The following PNLIPRP1 variants were observed in gnomAD, a reference collection of about 807,000 sequenced individuals.
PNLIPRP1 encodes inactive pancreatic lipase-related protein 1.
Under a neutral mutation model 54.6 loss-of-function variants are expected in PNLIPRP1, and 57 were observed. The observed-to-expected ratio is 1.04, with a 90% CI of 0.84 to 1.30. The LOEUF (loss-of-function observed/expected upper bound fraction) is 1.30. PNLIPRP1 is among the 50% of genes most tolerant of loss of function. PNLIPRP1 has a pLI of 0.00. For missense variants in PNLIPRP1, 567 were observed against 568.5 expected (o/e 1.00, Z 0.03); for synonymous variants, 232 against 208.8 (o/e 1.11, Z -0.96).
In PNLIPRP1 at chr10:116,592,584, C is replaced by G. The variant is rs782233512; in HGVS notation, c.330+43C>G. The G allele has an allele frequency of 1.9e-6, 3 of 1,610,558 alleles. No homozygotes were observed. In the East Asian group the frequency reaches 6.7e-5, roughly 36 times the overall value. ...TCCCTGTGGCCAGCTGAGGCCAACACTTCTGCTAACATCTCTGCATCACTT... is the reference window on the plus strand; with the variant it reads ...TCCCTGTGGCCAGCTGAGGCCAACAGTTCTGCTAACATCTCTGCATCACTT... On this transcript the variant is annotated intron_variant, in intron 4 of 12. Transcript: ENST00000358834.
chr10:116,595,019 C>G, intron 5 of PNLIPRP1, 155 bp downstream of exon 5: 3 of 867,018 alleles, frequency 3.5e-6, no homozygotes, highest in East Asian at 5.4e-5. Context: ...CATAATGACA[C>G]GCCAGTGGAA....
intron 9 of PNLIPRP1, 163 bp downstream of exon 9, chr10:116,600,328 G>T (rs1847812522): frequency 9.1e-6 from 5 of 549,526 alleles, no homozygotes; most frequent in Admixed American, 3.1e-5. Flanking sequence ...ACAACTTTTG[G>T]CAGGAGATGG....
chr10:116,594,428 G>T, intron 4 of PNLIPRP1: 1 of 513,258 alleles, frequency 1.9e-6, no homozygotes, highest in East Asian at 4.9e-5. Flanking sequence ...TTCAAAACAG[G>T]ACTCTTTTCA....
intron 10 of PNLIPRP1, among the ~76,000 whole-genome samples, chr10:116,603,618 T>A (rs3010500): frequency 6.6e-6 from 1 of 152,108 alleles, no homozygotes; most frequent in African/African-American, 2.4e-5. Context: ...TTTGGCTGGG[T>A]GTGGTGGCTC....
chr10:116,601,099 G>C lies in PNLIPRP1; in HGVS notation c.961G>C (p.Gly321Arg). ...SDKCFPCPDQ[G>R]CPQMGHYADK... The stretch of plus-strand genomic sequence containing the variant: ...CAAGTGCTTCCCGTGTCCAGATCAA[G>C]GATGCCCACAGATGGGTCACTATGC... Residue 321 changes from glycine (G) to arginine (R), a missense_variant, in exon 10 of 13, where the codon GGA becomes CGA. By Grantham distance (125) the Gly-to-Arg change is moderately radical. Transcript: ENST00000358834. 3 of 1,613,684 alleles carry C rather than the reference G, an allele frequency of 1.9e-6. No homozygotes were observed. Among genetic ancestry groups the C allele is most frequent in the Non-Finnish European group, 2.5e-6 (3 of 1,179,860 alleles).
chr10:116,605,956 A>G (rs1403850726), intron 12 of PNLIPRP1, among the ~76,000 whole-genome samples: 2 of 152,168 alleles, frequency 1.3e-5, no homozygotes, highest in Non-Finnish European at 1.5e-5. Flanking sequence ...AAGATCGAAA[A>G]TTTTACATAG....
In PNLIPRP1 at chr10:116,591,932, C is replaced by A. The variant is rs1475561112; in HGVS notation, c.204+7C>A. ...AAACCCAAACAACTTTCAAGTGAGACCTCTGTCATTTAAATGTCACTGTAA... is the reference window on the plus strand; with the variant it reads ...AAACCCAAACAACTTTCAAGTGAGAACTCTGTCATTTAAATGTCACTGTAA... On this transcript the variant is annotated splice_region_variant and intron_variant, in intron 3 of 12. Transcript: ENST00000358834. The A allele has an allele frequency of 1.2e-6, 2 of 1,614,032 alleles. No individual in the cohort carries two copies. Among genetic ancestry groups the A allele is most frequent in the Admixed American group, 1.7e-5 (1 of 60,012 alleles).
intron 8 of PNLIPRP1, among the ~76,000 whole-genome samples, chr10:116,599,243 G>C (rs1048110698): frequency 2.5e-5 from 2 of 80,594 alleles, no homozygotes; most frequent in Admixed American, 2.5e-4. Context: ...CAACAAGAGC[G>C]AAACTCCATC....
chr10:116,591,560 T>C (rs546648515), intron 2 of PNLIPRP1, among the ~76,000 whole-genome samples: 63 of 152,296 alleles, frequency 4.1e-4, no homozygotes, highest in Middle Eastern at 3.4e-3. Context: ...GCTCCAGTGG[T>C]GTCCCTGTGG....
Position 116,596,229 on chromosome 10 carries a change from C to A in PNLIPRP1, c.481C>A (p.Pro161Thr), listed in dbSNP as rs1391863973. The change falls in exon 6 of 13, where the codon CCC (proline) becomes ACC (threonine). Residue 161 changes from proline to threonine, a missense_variant. Physicochemically the swap from Pro to Thr is conservative, Grantham distance 38. Coordinates refer to ENST00000358834, the MANE Select transcript of PNLIPRP1 (RefSeq NM_006229.4). ...CCCTCTCCAGACAGAGTATAGCTAC[C>A]CCCCTTCCAAAGTTCACCTCATTGG... is the stretch of plus-strand genomic sequence containing the variant. ...LDILLTEYSY[P>T]PSKVHLIGHS... The A allele has an allele frequency of 6.2e-6, 10 of 1,611,582 alleles. No individual in the cohort carries two copies. The highest frequency in any genetic ancestry group is 8.5e-6 in the Non-Finnish European group (10 of 1,177,904).
intron 10 of PNLIPRP1, among the ~76,000 whole-genome samples, chr10:116,603,140 G>A (rs1847878518): frequency 6.6e-6 from 1 of 152,198 alleles, no homozygotes; most frequent in Non-Finnish European, 1.5e-5. Context: ...CAGCATTTCA[G>A]GTAGAAGCCT....
Position 116,601,157 on chromosome 10 carries a change from A to C in PNLIPRP1, c.1019A>C (p.Gln340Pro). The change falls in exon 10 of 13, where the codon CAG (glutamine) becomes CCG (proline). Residue 340 changes from glutamine (Q) to proline (P), a missense_variant. Coordinates refer to ENST00000358834, the MANE Select transcript of PNLIPRP1 (RefSeq NM_006229.4). ...DKFAGRTSEEQQKFFLNTGEA... is the reference protein window; with the variant it reads ...DKFAGRTSEEPQKFFLNTGEA... ...TTTGCTGGCAGGACAAGTGAAGAGC[A>C]GCAGAAATTCTTCTTGAACACAGGA... 6.2e-7 allele frequency: 1 copy of C among 1,614,180 alleles called. No individual in the cohort carries two copies. The highest frequency in any genetic ancestry group is 8.5e-7 in the Non-Finnish European group (1 of 1,180,014).
chr10:116,592,479 C>A lies in PNLIPRP1; in HGVS notation c.268C>A (p.Arg90=). 6.2e-7 allele frequency: 1 copy of A among 1,613,906 alleles called. No homozygotes were observed. Residue 90 remains arginine, a synonymous_variant, in exon 4 of 13, where the codon CGG becomes AGG. Transcript: ENST00000358834. ...ASNFQMDRKT[R]FIIHGFIDKG... ...AAATTTTCAAATGGACAGAAAGACC[C>A]GGTTCATCATCCATGGCTTCATAGA...
At chr10:116,601,926 A>T (rs547496564) in intron 10 of PNLIPRP1, among the ~76,000 whole-genome samples, 3 of 152,224 alleles carry the variant, frequency 2.0e-5, no homozygotes, top group African/African-American at 7.2e-5. Flanking sequence ...TTTAGCATAC[A>T]CTTGTATGAG....
intron 8 of PNLIPRP1, among the ~76,000 whole-genome samples, chr10:116,599,255 C>CTAAAATAAAATAAAA (rs1564737757): frequency 4.9e-5 from 3 of 61,258 alleles, no homozygotes; most frequent in African/African-American, 1.4e-4. Flanking sequence ...AACTCCATCT[C>CTAAAATAAAATAAAA]GAAAATAAAA....
chr10:116,600,423 G>T, intron 9 of PNLIPRP1: 1 of 351,222 alleles, frequency 2.8e-6, no homozygotes, highest in Admixed American at 4.4e-5. Flanking sequence ...TGATATAGAG[G>T]CTTCCTGCAG....
chr10:116,604,508 A>G (rs2915755), intron 11 of PNLIPRP1, among the ~76,000 whole-genome samples: 52,457 of 151,960 alleles, frequency 0.35, 9,471 homozygotes, highest in Non-Finnish European at 0.39. Flanking sequence ...GTGTGAGTAC[A>G]TGCTATGATG....
rs1389319791 is a variant in PNLIPRP1 at position 116,598,128 on chromosome 10, C to T, written c.776C>T (p.Ala259Val). The T allele has an allele frequency of 2.5e-6, 4 of 1,613,904 alleles. No homozygotes were observed. The highest frequency in any genetic ancestry group is 2.5e-6 in the Non-Finnish European group (3 of 1,179,980). ...GESMPGCKKNALSQIVDLDGI... is the reference protein window; with the variant it reads ...GESMPGCKKNVLSQIVDLDGI... ...AGCATGCCGGGATGCAAGAAGAATG[C>T]CCTGTCTCAGATCGTGGATCTAGAT... Residue 259 changes from alanine (A) to valine (V), a missense_variant, in exon 8 of 13, where the codon GCC becomes GTC. Coordinates refer to ENST00000358834, the MANE Select transcript of PNLIPRP1 (RefSeq NM_006229.4).
At chr10:116,606,397 G>C (rs1847938193) in intron 12 of PNLIPRP1, among the ~76,000 whole-genome samples, 1 of 152,172 alleles carries the variant, frequency 6.6e-6, no homozygotes, top group Non-Finnish European at 1.5e-5. Flanking sequence ...CCAGGTGGTG[G>C]GTGGAACCAG....
Sources: allele counts gnomAD v4.1 joint callset (sites outside exome capture counted in the v4.1 genomes callset), GRCh38; gene constraint gnomAD v4.1.1; transcripts MANE v1.5; gene names NCBI Gene and HGNC (gene_info 2026-07-23, HGNC 2026-07-21).